NLK: variants seen among roughly 807,000 people sequenced by gnomAD.
NLK encodes the protein nemo like kinase, also known as serine/threonine-protein kinase NLK.
In NLK, 11 loss-of-function variants were observed where a neutral mutation model predicts 59.0. The ratio of observed to expected loss-of-function variants is 0.19; its 90% CI spans 0.12 to 0.31. NLK has a LOEUF of 0.31. Ranked by LOEUF, NLK falls within the 10% of genes least tolerant of loss-of-function variation. The pLI, the probability that NLK is intolerant of heterozygous loss-of-function variation, is 1.00. For missense variants in NLK, 410 were observed against 661.1 expected (o/e 0.62, Z 4.16); for synonymous variants, 235 against 235.9 (o/e 1.00, Z 0.03).
At chr17:28,078,619 C>G (rs1480446654) in intron 1 of NLK, among the ~76,000 whole-genome samples, 2 of 152,132 alleles carry the variant, frequency 1.3e-5, no homozygotes. Context: ...CACCCACTTT[C>G]CATTTTACTT....
Position 28,042,975 on chromosome 17 carries a change from C to T in NLK, c.102C>T (p.His34=). The T allele has an allele frequency of 6.4e-7, 1 of 1,557,070 alleles. No individual in the cohort carries two copies. Among genetic ancestry groups the T allele is most frequent in the Non-Finnish European group, 8.7e-7 (1 of 1,149,756 alleles). The change falls in exon 1 of 11, where the codon CAC becomes CAT. Residue 34 remains histidine (H), a synonymous_variant. Transcript: ENST00000407008. The part of the protein sequence containing the change: ...AAGHHHHHHH[H]LPHLPPPHLH... ...GTCACCACCACCACCATCACCACCACCTTCCACACCTCCCTCCTCCTCACC... is the reference window on the plus strand; with the variant it reads ...GTCACCACCACCACCATCACCACCATCTTCCACACCTCCCTCCTCCTCACC...
intron 5 of NLK, among the ~76,000 whole-genome samples, chr17:28,167,391 C>T (rs1203078195): frequency 6.6e-6 from 1 of 151,638 alleles, no homozygotes; most frequent in African/African-American, 2.4e-5. Context: ...TGCACACCAC[C>T]ACGCCCAGCT....
intron 5 of NLK, among the ~76,000 whole-genome samples, chr17:28,165,983 G>A (rs1908213259): frequency 6.6e-6 from 1 of 152,212 alleles, no homozygotes; most frequent in Non-Finnish European, 1.5e-5. Flanking sequence ...GGGAGGCTGA[G>A]GTGGGCAGAT....
At position 28,042,827 on chromosome 17, in the gene NLK, G is replaced by T; in HGVS notation, c.-47G>T. ...TTTCTTCATTTTTAAATGGCCAAAT[G>T]ACAGCTTGACCCAGTTTGCTTTCCA... On this transcript the variant is annotated 5_prime_UTR_variant, in exon 1 of 11. The change abolishes an upstream ATG in the 5' untranslated region. Transcript: ENST00000407008. 3 of 1,432,240 alleles carry T rather than the reference G, an allele frequency of 2.1e-6. No individual in the cohort carries two copies. Among genetic ancestry groups the T allele is most frequent in the Non-Finnish European group, 9.3e-7 (1 of 1,079,520 alleles). 88.7% of individuals were successfully genotyped at this position (1,432,240 alleles called of 1,614,324 possible).
intron 1 of NLK, among the ~76,000 whole-genome samples, chr17:28,063,139 C>A (rs879733234): frequency 1.4e-4 from 22 of 152,206 alleles, no homozygotes; most frequent in South Asian, 8.3e-4. Context: ...GTTATGTTGT[C>A]CAGGCTGTTC....
chr17:28,157,828 A>C (rs1907839508), intron 3 of NLK, among the ~76,000 whole-genome samples: 1 of 152,224 alleles, frequency 6.6e-6, no homozygotes. Flanking sequence ...TAGAGTTACC[A>C]TGAAAATTAG....
chr17:28,185,629 C>A (rs1567740747), intron 8 of NLK, among the ~76,000 whole-genome samples: 1 of 152,030 alleles, frequency 6.6e-6, no homozygotes, highest in Non-Finnish European at 1.5e-5. Context: ...GCTCACTGTA[C>A]CCTCAACCTC....
At chr17:28,069,728 G>T (rs1909945545) in intron 1 of NLK, among the ~76,000 whole-genome samples, 1 of 151,636 alleles carries the variant, frequency 6.6e-6, no homozygotes, top group Non-Finnish European at 1.5e-5. Flanking sequence ...TAAATGATTG[G>T]TTTGTCATTA....
chr17:28,129,686 G>A (rs1906439090), intron 2 of NLK, among the ~76,000 whole-genome samples: 1 of 152,098 alleles, frequency 6.6e-6, no homozygotes, highest in Non-Finnish European at 1.5e-5. Flanking sequence ...ATTTAGCTGT[G>A]TTCCTTATAT....
intron 3 of NLK, among the ~76,000 whole-genome samples, chr17:28,152,182 A>G (rs1907507958): frequency 6.6e-6 from 1 of 152,228 alleles, no homozygotes; most frequent in Non-Finnish European, 1.5e-5. Context: ...ACGAGTACTT[A>G]GTTATAAAAT....
intron 8 of NLK, among the ~76,000 whole-genome samples, chr17:28,186,554 C>T (rs1909122835): frequency 6.6e-6 from 1 of 152,010 alleles, no homozygotes; most frequent in South Asian, 2.1e-4. Context: ...TGGACTTAAA[C>T]CTTAAAGTTC....
At chr17:28,179,601 G>C (rs918210815) in intron 7 of NLK, among the ~76,000 whole-genome samples, 3 of 152,014 alleles carry the variant, frequency 2.0e-5, no homozygotes, top group African/African-American at 7.3e-5. Flanking sequence ...AGGCATGGTG[G>C]CAGACACCTG....
downstream of NLK, among the ~76,000 whole-genome samples, chr17:28,199,681 A>AAC (rs1555568002): frequency 2.1e-4 from 2 of 9,318 alleles, no homozygotes; most frequent in Non-Finnish European, 4.3e-4. Flanking sequence ...AAAAAAAAAA[A>AAC]AAACAAAACA....
chr17:28,070,192 C>T (rs550319953), intron 1 of NLK, among the ~76,000 whole-genome samples: 1 of 151,538 alleles, frequency 6.6e-6, no homozygotes, highest in East Asian at 2.0e-4. Context: ...GCCAAGATCG[C>T]ACCACCGCGC....
chr17:28,106,498 TAA>T (rs556921510), intron 1 of NLK, among the ~76,000 whole-genome samples: 112 of 152,292 alleles, frequency 7.4e-4, no homozygotes, highest in African/African-American at 2.6e-3. Context: ...GAATAAGAGA[TAA>T]TATCTCACTA....
chr17:28,124,302 TCAG>T (rs1428704199), intron 2 of NLK, among the ~76,000 whole-genome samples: 1 of 152,158 alleles, frequency 6.6e-6, no homozygotes, highest in African/African-American at 2.4e-5. Flanking sequence ...AGTGGTAGGA[TCAG>T]TTGAGTCCAG....
intron 1 of NLK, among the ~76,000 whole-genome samples, chr17:28,070,354 A>T (rs766599891): frequency 3.0e-5 from 4 of 134,838 alleles, no homozygotes; most frequent in East Asian, 2.1e-4. Context: ...TCTGAAATTA[A>T]TTTTTTTTTT....
At chr17:28,175,168 G>A (rs905363817) in intron 7 of NLK, among the ~76,000 whole-genome samples, 1 of 151,796 alleles carries the variant, frequency 6.6e-6, no homozygotes, top group Admixed American at 6.6e-5. Flanking sequence ...AGTGTCAGCC[G>A]GGCGCGGCGG....
In NLK at chr17:28,064,027, G is replaced by A. The variant is rs377446857; in HGVS notation, c.458+20696G>A. On this transcript the variant is annotated intron_variant, in intron 1 of 10. Transcript: ENST00000407008. ...AATAATCTACTGAACATAAATATAC[G>A]AGTTTGCAACACTTTTAGTGATAAT... is the stretch of plus-strand genomic sequence containing the variant. 6.6e-5 allele frequency among the ~76,000 whole-genome samples: 10 copies of A among 152,178 alleles called. No individual in the cohort carries two copies. The East Asian group carries it at 7.7e-4, about 12-fold the overall frequency.
Sources: gnomAD v4.1 joint callset for allele counts (sites outside exome capture counted in the v4.1 genomes callset) on GRCh38, gnomAD v4.1.1 for gene constraint, MANE v1.5 for transcripts, NCBI Gene and HGNC (gene_info 2026-07-23, HGNC 2026-07-21) for gene names.